MPP2: variants seen among roughly 807,000 people sequenced by gnomAD.
MPP2 encodes MAGUK p55 subfamily member 2.
A neutral mutation model predicts 58.5 loss-of-function variants in MPP2; 42 were observed. The ratio of observed to expected loss-of-function variants is 0.72; its 90% CI spans 0.56 to 0.93. The LOEUF is 0.93. Ranked by LOEUF, MPP2 falls within the 40% of genes least tolerant of loss-of-function variation. The pLI is 0.00. For synonymous variants in MPP2, 300 were observed against 307.8 expected (o/e 0.97, Z 0.26); for missense variants, 632 against 760.4 (o/e 0.83, Z 1.99).
intron 3 of MPP2, chr17:43,884,185 T>C (rs748959397): frequency 9.0e-4 from 632 of 702,106 alleles, no homozygotes; most frequent in Non-Finnish European, 1.4e-3. Flanking sequence ...GATTCATTAA[T>C]ACATTATGTA....
chr17:43,877,854 T>C lies in MPP2; in HGVS notation c.1612A>G (p.Lys538Glu). ...TFRELQTAME[K>E]LRTEPQWVPV... ...ACCCACTGGGGCTCTGTCCGTAGCT[T>C]CTCCATGGCTGTCTGGAGCTCGCGG... The change falls in exon 13 of 13, where the codon AAG (lysine) becomes GAG (glutamate). Residue 538 changes from lysine (K) to glutamate (E), a missense_variant. Coordinates refer to ENST00000269095, the MANE Select transcript of MPP2 (RefSeq NM_005374.5). 6.2e-7 allele frequency: 1 copy of C among 1,614,014 alleles called. No homozygotes were observed. Among genetic ancestry groups the C allele is most frequent in the South Asian group, 1.1e-5 (1 of 91,080 alleles).
chr17:43,881,026 G>T, intron 9 of MPP2, 64 bp downstream of exon 9: 2 of 1,584,188 alleles, frequency 1.3e-6, no homozygotes, highest in Admixed American at 1.7e-5. Flanking sequence ...CAGGTGATGG[G>T]TGGGGACAGG....
chr17:43,883,466 C>A (rs567906007), intron 3 of MPP2, 111 bp from the exon 4 acceptor site: 1 of 1,252,686 alleles, frequency 8.0e-7, no homozygotes, highest in South Asian at 1.5e-5. Flanking sequence ...ACCCCCCAGC[C>A]CCCAGCTTCA....
At chr17:43,881,697 T>G (rs773587034) in intron 6 of MPP2, 108 bp from the exon 7 acceptor site, 95 of 1,414,738 alleles carry the variant, frequency 6.7e-5, no homozygotes, top group Non-Finnish European at 8.8e-5. Flanking sequence ...GCAATGGAAC[T>G]GTCCCCCTGC....
intron 3 of MPP2, among the ~76,000 whole-genome samples, chr17:43,895,539 A>C (rs1165223721): frequency 6.6e-6 from 1 of 152,178 alleles, no homozygotes; most frequent in Non-Finnish European, 1.5e-5. Context: ...CATTCAACAA[A>C]TATTCAGTGA....
chr17:43,900,986 C>A (rs2143770059), intron 2 of MPP2, among the ~76,000 whole-genome samples: 1 of 152,092 alleles, frequency 6.6e-6, no homozygotes, highest in Middle Eastern at 3.4e-3. Context: ...GTCCCTGTAC[C>A]CTCTTTTCTA....
intron 2 of MPP2, among the ~76,000 whole-genome samples, chr17:43,902,240 A>G (rs2143780044): frequency 6.6e-6 from 1 of 152,260 alleles, no homozygotes; most frequent in East Asian, 1.9e-4. Flanking sequence ...TTGAGGAAGC[A>G]GAACCCACCG....
chr17:43,889,787 T>C (rs530665683), intron 3 of MPP2, among the ~76,000 whole-genome samples: 2 of 147,526 alleles, frequency 1.4e-5, no homozygotes, highest in East Asian at 4.1e-4. Flanking sequence ...AAAAAGGGAA[T>C]TGTGTCTGTC....
At chr17:43,894,419 A>ATATATATATATATATATATATATG (rs1491357208) in intron 3 of MPP2, among the ~76,000 whole-genome samples, 1 of 6,744 alleles carries the variant, frequency 1.5e-4, no homozygotes, top group African/African-American at 3.5e-4. Context: ...CCATCTCAAA[A>ATATATATATATATATATATATATG]TATATATATA....
intron 3 of MPP2, 158 bp from the exon 4 acceptor site, chr17:43,883,513 C>T (rs1398834899): frequency 4.1e-6 from 3 of 739,400 alleles, no homozygotes; most frequent in Non-Finnish European, 6.4e-6. Flanking sequence ...CACACGTGCA[C>T]ATGCATTCCT....
intron 2 of MPP2, chr17:43,900,688 C>G (rs1011077385): frequency 1.4e-6 from 2 of 1,396,222 alleles, no homozygotes; most frequent in Non-Finnish European, 1.9e-6. Context: ...TGGGAAGGCT[C>G]AGCCGCCGTG....
In MPP2 at chr17:43,880,932, A is replaced by G; in HGVS notation, c.989-80T>C. The stretch of plus-strand genomic sequence containing the variant: ...AGCTCTCAGGGAGGCTGAGGGCAAG[A>G]GGGCTTGGAACAGGGGAGCAGGGGG... On this transcript the variant is annotated intron_variant, in intron 9 of 12. Coordinates refer to ENST00000269095, the MANE Select transcript of MPP2 (RefSeq NM_005374.5). This position sits in a 1 kb window ranked among gnomAD's most constrained non-coding sequence, Gnocchi z 5.2. 6.4e-7 allele frequency: 1 copy of G among 1,551,670 alleles called. No homozygotes were observed. Among genetic ancestry groups the G allele is most frequent in the Non-Finnish European group, 8.7e-7 (1 of 1,142,860 alleles).
intron 3 of MPP2, among the ~76,000 whole-genome samples, chr17:43,891,152 G>A (rs1373864689): frequency 6.6e-6 from 1 of 152,050 alleles, no homozygotes; most frequent in African/African-American, 2.4e-5. Context: ...TTCCACCCTA[G>A]CCTCCCCACA....
rs146906417 is a variant in MPP2, at chr17:43,881,979, G to C, written c.681+305C>G. On this transcript the variant is annotated intron_variant, in intron 6 of 12. Transcript: ENST00000269095. The stretch of plus-strand genomic sequence containing the variant: ...CAGGAGACAGCTATCCAGGACATAT[G>C]ACAACCCCACCCTGCGCACGCGCAC... 2.3e-3 allele frequency among the ~76,000 whole-genome samples: 357 copies of C among 152,358 alleles called. 2 individuals carry two copies. The highest frequency in any genetic ancestry group is 6.8e-3 in the African/African-American group (284 of 41,592).
At chr17:43,878,289 G>A (rs1044760687) in intron 12 of MPP2, among the ~76,000 whole-genome samples, 2 of 152,216 alleles carry the variant, frequency 1.3e-5, no homozygotes, top group African/African-American at 4.8e-5. Context: ...TTATAGCAGA[G>A]AAAATGAAGG....
chr17:43,902,989 A>G (rs1332779305), intron 2 of MPP2, among the ~76,000 whole-genome samples: 1 of 152,244 alleles, frequency 6.6e-6, no homozygotes, highest in Non-Finnish European at 1.5e-5. Flanking sequence ...CTCAGGACCA[A>G]TAAAATTAAG....
intron 3 of MPP2, among the ~76,000 whole-genome samples, chr17:43,894,454 C>T (rs1454923452): frequency 0.031 from 2,832 of 90,442 alleles, 106 homozygotes; most frequent in African/African-American, 0.11. Flanking sequence ...TACACACACA[C>T]ACACACACAA....
intron 3 of MPP2, among the ~76,000 whole-genome samples, chr17:43,886,194 A>C (rs144815352): frequency 0.01 from 1,551 of 152,168 alleles, 28 homozygotes; most frequent in African/African-American, 0.036. Flanking sequence ...TAGGGCTTTT[A>C]TTTAACTGGT....
intron 1 of MPP2, among the ~76,000 whole-genome samples, chr17:43,905,822 C>G (rs1189018448): frequency 6.6e-6 from 1 of 152,114 alleles, no homozygotes; most frequent in Non-Finnish European, 1.5e-5. Flanking sequence ...CCTTCTCAGG[C>G]CTGAGCTGGT....
Sources: gnomAD v4.1 joint callset for allele counts (sites outside exome capture counted in the v4.1 genomes callset) on GRCh38, gnomAD v4.1.1 for gene constraint, Gnocchi (gnomAD v3.1) non-coding constraint, MANE v1.5 for transcripts, NCBI Gene and HGNC (gene_info 2026-07-23, HGNC 2026-07-21) for gene names.